ITPK1: variants seen among roughly 807,000 people sequenced by gnomAD.
The protein encoded by ITPK1 is inositol-tetrakisphosphate 1-kinase, also known as inositol 1,3,4-trisphosphate 5/6-kinase.
Under a neutral mutation model 45.3 loss-of-function variants are expected in ITPK1, and 21 were observed. The observed-to-expected ratio is 0.46, with a 90% confidence interval of 0.33 to 0.67. The LOEUF is 0.67. Among genes scored for constraint, ITPK1 ranks in the 30% least tolerant of loss-of-function variants. The pLI is 0.02. For synonymous variants in ITPK1, 258 were observed against 253.6 expected (o/e 1.02, Z -0.16); for missense variants, 474 against 573.5 (o/e 0.83, Z 1.77).
chr14:92,950,744 C>T (rs1415775555), intron 9 of ITPK1, among the ~76,000 whole-genome samples: 5 of 152,248 alleles, frequency 3.3e-5, no homozygotes, highest in Non-Finnish European at 7.3e-5. Flanking sequence ...CAGAGCAAAG[C>T]CATGCACGGA....
intron 7 of ITPK1, among the ~76,000 whole-genome samples, chr14:92,959,265 A>G (rs1240444157): frequency 6.6e-6 from 1 of 152,194 alleles, no homozygotes; most frequent in African/African-American, 2.4e-5. Flanking sequence ...TGCCAGGGTC[A>G]TGGCTAATCC....
chr14:93,018,843 A>T (rs1272775158), intron 3 of ITPK1, among the ~76,000 whole-genome samples: 1 of 152,216 alleles, frequency 6.6e-6, no homozygotes, highest in Non-Finnish European at 1.5e-5. Flanking sequence ...ATGCAGGTGA[A>T]GCGGCCAGGA....
At chr14:92,949,330 G>C (rs1441765147) in intron 9 of ITPK1, among the ~76,000 whole-genome samples, 1 of 152,198 alleles carries the variant, frequency 6.6e-6, no homozygotes, top group East Asian at 1.9e-4. Context: ...AAACTCCTGG[G>C]CTCAAGCGAT....
In ITPK1 at chr14:93,053,599, T is replaced by A. The variant is rs547471441; in HGVS notation, c.120+22996A>T. On this transcript the variant is annotated intron_variant, in intron 3 of 10. Transcript: ENST00000267615. Reference sequence around the variant, plus strand: ...TATGCATGTGTCCAAACCCACAGAATGTGCAACACCAAGAGTGAGCCCTAT... The same window carrying A: ...TATGCATGTGTCCAAACCCACAGAAAGTGCAACACCAAGAGTGAGCCCTAT... Among the ~76,000 whole-genome samples the A allele has an allele frequency of 1.7e-4, 26 of 152,360 alleles. 2 individuals are homozygous for A. In the South Asian group the frequency reaches 5.4e-3, roughly 32 times the overall value.
At chr14:93,006,796 G>T (rs999423520) in intron 4 of ITPK1, among the ~76,000 whole-genome samples, 2 of 152,190 alleles carry the variant, frequency 1.3e-5, no homozygotes, top group South Asian at 2.1e-4. Context: ...GAAGGAAAGA[G>T]AACACTATTA....
At chr14:93,067,261 C>T (rs1250126149) in intron 3 of ITPK1, among the ~76,000 whole-genome samples, 1 of 152,158 alleles carries the variant, frequency 6.6e-6, no homozygotes, top group African/African-American at 2.4e-5. Flanking sequence ...GCAAGGGTGG[C>T]AGGTACCAGG....
intron 9 of ITPK1, among the ~76,000 whole-genome samples, chr14:92,948,224 G>C (rs1435180262): frequency 2.0e-5 from 3 of 152,270 alleles, no homozygotes; most frequent in Non-Finnish European, 4.4e-5. Context: ...GGTGGGCCCA[G>C]GGTTTTCTTC....
chr14:93,107,555 C>A (rs61664603), intron 2 of ITPK1, among the ~76,000 whole-genome samples: 6,342 of 152,216 alleles, frequency 0.042, 456 homozygotes, highest in African/African-American at 0.14. Flanking sequence ...GCAGCTGAGT[C>A]TGCAGGTGGC....
intron 3 of ITPK1, among the ~76,000 whole-genome samples, chr14:93,057,257 A>G (rs1890246790): frequency 6.6e-6 from 1 of 152,214 alleles, no homozygotes; most frequent in South Asian, 2.1e-4. Flanking sequence ...CCATGTGTGC[A>G]TTTGCTATAC....
chr14:93,032,335 G>A lies in ITPK1; in HGVS notation c.121-15534C>T, dbSNP rs537260480. Among the ~76,000 whole-genome samples, 1 of 145,728 alleles carries A rather than the reference G, an allele frequency of 6.9e-6. No individual in the cohort carries two copies. The highest frequency in any genetic ancestry group is 2.6e-5 in the African/African-American group (1 of 38,290). On this transcript the variant is annotated intron_variant, in intron 3 of 10. Coordinates refer to ENST00000267615, the MANE Select transcript of ITPK1 (RefSeq NM_014216.6). The surrounding 1 kb of genome is among the most constrained non-coding windows in gnomAD (Gnocchi z 4.0). ...ACTGCACTCCAGGCTGGGCGACAGAGCGAGACTCCATCTCAAATAATAATA... is the reference window on the plus strand; with the variant it reads ...ACTGCACTCCAGGCTGGGCGACAGAACGAGACTCCATCTCAAATAATAATA...
rs1887681072 is a variant in ITPK1 at position 92,946,251 on chromosome 14, G to C, written c.901+80C>G. 2.6e-6 allele frequency: 4 copies of C among 1,531,642 alleles called. No homozygotes were observed. The East Asian group carries it at 9.1e-5, about 35-fold the overall frequency. The allele number at this position is 1,531,642 out of a possible 1,614,324, so 94.9% of individuals were successfully genotyped here. ...GGAGAAAGCTGGCTTTCTGGCCTCA[G>C]TCACCCCGCCTCACCTGCCTGGTCA... On this transcript the variant is annotated intron_variant, in intron 10 of 10. Transcript: ENST00000267615.
intron 7 of ITPK1, among the ~76,000 whole-genome samples, chr14:92,959,201 G>T (rs1349961108): frequency 1.3e-5 from 2 of 152,236 alleles, no homozygotes; most frequent in Non-Finnish European, 2.9e-5. Context: ...TCTGCACAGG[G>T]TCTGCTCTAA....
intron 2 of ITPK1, among the ~76,000 whole-genome samples, chr14:93,108,893 G>A (rs1478023220): frequency 2.0e-5 from 3 of 152,194 alleles, no homozygotes. Flanking sequence ...CATGACTGTA[G>A]TTCCAGCTAC....
chr14:93,028,929 A>G (rs1344334521), intron 3 of ITPK1, among the ~76,000 whole-genome samples: 1 of 152,176 alleles, frequency 6.6e-6, no homozygotes, highest in African/African-American at 2.4e-5. Context: ...TACGTGGCTG[A>G]TGAGTTGCAG....
In ITPK1 at chr14:93,073,414, T is replaced by C. The variant is rs375748459; in HGVS notation, c.120+3181A>G. Among the ~76,000 whole-genome samples, 6 of 152,294 alleles carry C rather than the reference T, an allele frequency of 3.9e-5. 1 individual carries two copies. In the South Asian group the frequency reaches 6.2e-4, roughly 16 times the overall value. On this transcript the variant is annotated intron_variant, in intron 3 of 10. Coordinates refer to ENST00000267615, the MANE Select transcript of ITPK1 (RefSeq NM_014216.6). ...ACTGAGATCTGCAAAATCCACTTTC[T>C]TAAATATGCTCCCACACCCACCTCG...
intron 5 of ITPK1, among the ~76,000 whole-genome samples, chr14:92,968,828 C>T (rs890382223): frequency 4.6e-5 from 7 of 152,166 alleles, no homozygotes; most frequent in Non-Finnish European, 7.4e-5. Flanking sequence ...CCTGCTCTGG[C>T]GTGGGGTGGG....
chr14:93,007,709 C>T (rs939660068), intron 4 of ITPK1, among the ~76,000 whole-genome samples: 7 of 152,278 alleles, frequency 4.6e-5, no homozygotes, highest in East Asian at 1.9e-4. Context: ...GACCTGGCTA[C>T]GACATCTACC....
chr14:93,047,679 G>T (rs1476139469), intron 3 of ITPK1, among the ~76,000 whole-genome samples: 1 of 152,228 alleles, frequency 6.6e-6, no homozygotes, highest in Non-Finnish European at 1.5e-5. Flanking sequence ...CCAACTCCTA[G>T]CCTCCAGAAC....
intron 3 of ITPK1, among the ~76,000 whole-genome samples, chr14:93,061,645 AG>A (rs1890528372): frequency 6.6e-6 from 1 of 152,202 alleles, no homozygotes; most frequent in Admixed American, 6.5e-5. Context: ...CCCAAAATGC[AG>A]GGGTTTGTTT....
Sources: gnomAD v4.1 joint callset for allele counts (sites outside exome capture counted in the v4.1 genomes callset) on GRCh38, gnomAD v4.1.1 for gene constraint, Gnocchi (gnomAD v3.1) non-coding constraint, MANE v1.5 for transcripts, NCBI Gene and HGNC (gene_info 2026-07-23, HGNC 2026-07-21) for gene names.